Variants in CARS2 observed in about 807,000 individuals in gnomAD.
CARS2 encodes the protein cysteinyl-tRNA synthetase 2, mitochondrial, also known as probable cysteine--tRNA ligase, mitochondrial.
In CARS2, 52 loss-of-function variants were observed where a neutral mutation model predicts 68.8. That is an observed-to-expected ratio of 0.76 (90% confidence interval 0.61 to 0.95). CARS2 has a LOEUF of 0.95. Among genes scored for constraint, CARS2 ranks in the 40% least tolerant of loss-of-function variants. CARS2 has a pLI of 0.00. For missense variants in CARS2, 780 were observed against 754.2 expected (o/e 1.03, Z -0.40); for synonymous variants, 314 against 303.6 (o/e 1.03, Z -0.36).
intron 8 of CARS2, chr13:110,664,468 G>T (rs543357890): frequency 9.3e-6 from 4 of 428,392 alleles, no homozygotes; most frequent in Admixed American, 6.4e-5. Flanking sequence ...AGTGAGCTAT[G>T]TTCATGTCAC....
At chr13:110,701,155 C>T (rs532136709) in intron 3 of CARS2, among the ~76,000 whole-genome samples, 3 of 152,266 alleles carry the variant, frequency 2.0e-5, no homozygotes, top group Non-Finnish European at 4.4e-5. Flanking sequence ...CTTCGCCCCC[C>T]CAGGGTCAAG....
At chr13:110,657,610 A>G (rs1228136968) in intron 9 of CARS2, among the ~76,000 whole-genome samples, 1 of 152,262 alleles carries the variant, frequency 6.6e-6, no homozygotes, top group East Asian at 1.9e-4. Flanking sequence ...AAGAAAGACA[A>G]AAACACTTTT....
Position 110,663,462 on chromosome 13 carries a change from T to C in CARS2, c.976A>G (p.Ile326Val), listed in dbSNP as rs2062564847. The C allele has an allele frequency of 1.2e-6, 2 of 1,613,390 alleles. No individual in the cohort carries two copies. Among genetic ancestry groups the C allele is most frequent in the African/African-American group, 1.3e-5 (1 of 74,868 alleles). ...AAAAAGCACGTTACCTTAATAGTAA[T>C]GTAGTTCTTTAATGATTTGGACATT... ...EKMSKSLKNYITIKDFLKTFS... is the reference protein window; with the variant it reads ...EKMSKSLKNYVTIKDFLKTFS... Residue 326 changes from isoleucine to valine, a missense_variant, in exon 9 of 15, where the codon ATT becomes GTT. By Grantham distance (29) the Ile-to-Val change is conservative. Transcript: ENST00000257347.
Position 110,676,949 on chromosome 13 carries a change from C to T in CARS2, c.785+25G>A. 6.6e-7 allele frequency: 1 copy of T among 1,508,834 alleles called. No individual in the cohort carries two copies. The highest frequency in any genetic ancestry group is 8.9e-7 in the Non-Finnish European group (1 of 1,121,836). The allele number at this position is 1,508,834 out of a possible 1,614,324, so 93.5% of individuals were successfully genotyped here. ...GCACCAGGGGAACTTGAGCCCCAAC[C>T]CCCAGGAAGCGGCAGGCACCTTACC... is the stretch of plus-strand genomic sequence containing the variant. On this transcript the variant is annotated intron_variant, in intron 7 of 14. Coordinates refer to ENST00000257347, the MANE Select transcript of CARS2 (RefSeq NM_024537.4). This position sits in a 1 kb window ranked among gnomAD's most constrained non-coding sequence, Gnocchi z 4.0.
chr13:110,667,850 G>C (rs983614538), intron 7 of CARS2, among the ~76,000 whole-genome samples: 2 of 152,144 alleles, frequency 1.3e-5, no homozygotes, highest in Admixed American at 6.5e-5. Context: ...TTTGGCTTTT[G>C]CAAGTGTAAC....
At chr13:110,681,787 T>C (rs985916049) in intron 6 of CARS2, among the ~76,000 whole-genome samples, 1 of 152,158 alleles carries the variant, frequency 6.6e-6, no homozygotes, top group Admixed American at 6.5e-5. Context: ...CGGAGGAAAA[T>C]TACTGTGTAT....
At chr13:110,690,693 A>G (rs1230425707) in intron 3 of CARS2, among the ~76,000 whole-genome samples, 1 of 152,214 alleles carries the variant, frequency 6.6e-6, no homozygotes, top group Non-Finnish European at 1.5e-5. Context: ...CTACACTCGT[A>G]GGCAGGAGAC....
intron 5 of CARS2, among the ~76,000 whole-genome samples, chr13:110,683,618 C>T (rs1224122226): frequency 6.6e-6 from 1 of 152,152 alleles, no homozygotes; most frequent in East Asian, 1.9e-4. Context: ...TGTTACACAA[C>T]AGCTAACAAA....
At position 110,701,166 on chromosome 13, in the gene CARS2, C is replaced by T. The variant is rs375084064; in HGVS notation, c.393+272G>A. Reference sequence around the variant, plus strand: ...CAACCTTCGCCCCCCCAGGGTCAAGCGATTCTCCTGCCTGAGCCTCCTGAG... The same window carrying T: ...CAACCTTCGCCCCCCCAGGGTCAAGTGATTCTCCTGCCTGAGCCTCCTGAG... On this transcript the variant is annotated intron_variant, in intron 3 of 14. Coordinates refer to ENST00000257347, the MANE Select transcript of CARS2 (RefSeq NM_024537.4). Among the ~76,000 whole-genome samples the T allele has an allele frequency of 1.6e-4, 24 of 152,174 alleles. No homozygotes were observed. In the South Asian group the frequency reaches 3.9e-3, roughly 25 times the overall value.
In CARS2 at chr13:110,701,558, G is replaced by A; in HGVS notation, c.276-3C>T. ...TGATATCAAATCTAACATATGAGCT[G>A]AAAGAAAAAAAGTGTCAGGATGTCT... is the stretch of plus-strand genomic sequence containing the variant. On this transcript the variant is annotated splice_polypyrimidine_tract_variant and splice_region_variant and intron_variant, in intron 2 of 14. Coordinates refer to ENST00000257347, the MANE Select transcript of CARS2 (RefSeq NM_024537.4). 1 of 1,343,746 alleles carries A rather than the reference G, an allele frequency of 7.4e-7. No homozygotes were observed. The highest frequency in any genetic ancestry group is 1.5e-5 in the African/African-American group (1 of 68,896). The allele number at this position is 1,343,746 out of a possible 1,614,324, so 83.2% of individuals were successfully genotyped here. A position where few individuals can be genotyped will look rare whatever the true frequency, so the allele number is the denominator to read the frequency against.
intron 3 of CARS2, among the ~76,000 whole-genome samples, chr13:110,695,951 C>T (rs963676275): frequency 2.6e-5 from 4 of 152,046 alleles, no homozygotes; most frequent in African/African-American, 7.2e-5. Flanking sequence ...TGACAGGCGC[C>T]GGGTGTGTGA....
chr13:110,709,032 G>C (rs1434681620), upstream of CARS2, among the ~76,000 whole-genome samples: 1 of 151,304 alleles, frequency 6.6e-6, no homozygotes, highest in African/African-American at 2.4e-5. Context: ...AAAGCGGTGG[G>C]AATACCGGCC....
intron 9 of CARS2, among the ~76,000 whole-genome samples, chr13:110,657,158 G>C (rs1026747969): frequency 1.3e-5 from 2 of 152,000 alleles, no homozygotes; most frequent in East Asian, 1.9e-4. Context: ...TTTAGTAAGA[G>C]AGGAAAATAA....
Position 110,679,903 on chromosome 13 carries a change from C to T in CARS2, c.656-2800G>A, listed in dbSNP as rs910060853. Among the ~76,000 whole-genome samples, 5 of 152,138 alleles carry T rather than the reference C, an allele frequency of 3.3e-5. 1 individual carries two copies. Among genetic ancestry groups the T allele is most frequent in the Non-Finnish European group, 5.9e-5 (4 of 68,024 alleles). On this transcript the variant is annotated intron_variant, in intron 6 of 14. Coordinates refer to ENST00000257347, the MANE Select transcript of CARS2 (RefSeq NM_024537.4). Reference sequence around the variant, plus strand: ...AGGTGATGGCAGCAATGGGTTAAAACGGCATGTGCACTGAAGCCCACGAGC... The same window carrying T: ...AGGTGATGGCAGCAATGGGTTAAAATGGCATGTGCACTGAAGCCCACGAGC...
At position 110,676,493 on chromosome 13, in the gene CARS2, A is replaced by ACC. The variant is rs2062953758; in HGVS notation, c.785+479_785+480dup. On this transcript the variant is annotated intron_variant, in intron 7 of 14. Transcript: ENST00000257347. This position sits in a 1 kb window ranked among gnomAD's most constrained non-coding sequence, Gnocchi z 4.0. ...GGAAGAGGAGCTTTGGTGACAGAGG[A>ACC]CCCACATGAGGGTGGCTGGGGGACT... 6.6e-6 allele frequency among the ~76,000 whole-genome samples: 1 copy of ACC among 151,928 alleles called. No individual in the cohort carries two copies. The highest frequency in any genetic ancestry group is 2.4e-5 in the African/African-American group (1 of 41,340).
exon 1 of CARS2, chr13:110,713,294 G>T (rs2064059631): frequency 3.9e-6 from 5 of 1,270,978 alleles, no homozygotes; most frequent in Non-Finnish European, 5.0e-6. Flanking sequence ...TGCGGTAGTT[G>T]CTGTGTACCA....
At chr13:110,684,051 A>G (rs2063228231) in intron 5 of CARS2, among the ~76,000 whole-genome samples, 1 of 152,142 alleles carries the variant, frequency 6.6e-6, no homozygotes, top group South Asian at 2.1e-4. Context: ...TGTCAAGAAG[A>G]AAGCACTACC....
In CARS2 at chr13:110,653,197, G is replaced by T. The variant is rs2062267253; in HGVS notation, c.988-2097C>A. Among the ~76,000 whole-genome samples the T allele has an allele frequency of 8.5e-6, 1 of 118,150 alleles. No individual in the cohort carries two copies. Among genetic ancestry groups the T allele is most frequent in the South Asian group, 2.8e-4 (1 of 3,602 alleles). The allele number at this position is 118,150 out of a possible 152,430, so 77.5% of individuals were successfully genotyped here. A position where few individuals can be genotyped will look rare whatever the true frequency, so the allele number is the denominator to read the frequency against. ...GCCTGGGGTGGGGAGGGGGGCTGGG[G>T]TATGTGTGTGTGTGTGTTTGTGTGT... On this transcript the variant is annotated intron_variant, in intron 9 of 14. Transcript: ENST00000257347. This position sits in a 1 kb window ranked among gnomAD's most constrained non-coding sequence, Gnocchi z 5.6.
At chr13:110,703,266 T>C (rs983421563) in intron 2 of CARS2, among the ~76,000 whole-genome samples, 2 of 152,194 alleles carry the variant, frequency 1.3e-5, no homozygotes, top group Non-Finnish European at 2.9e-5. Flanking sequence ...CTGCTGGAGC[T>C]GAAATAATTA....
Sources: gnomAD v4.1 joint callset for allele counts (sites outside exome capture counted in the v4.1 genomes callset) on GRCh38, gnomAD v4.1.1 for gene constraint, Gnocchi (gnomAD v3.1) non-coding constraint, MANE v1.5 for transcripts, NCBI Gene and HGNC (gene_info 2026-07-23, HGNC 2026-07-21) for gene names.